Variants in C2orf76 observed in about 807,000 individuals in gnomAD.
C2orf76 encodes the protein UPF0538 protein C2orf76.
In C2orf76, 23 loss-of-function variants were observed where a neutral mutation model predicts 16.9. The ratio of observed to expected loss-of-function variants is 1.36; its 90% CI spans 0.98 to 1.93. The LOEUF (loss-of-function observed/expected upper bound fraction) is 1.93, where lower values mean the gene tolerates loss of function less well. Ranked by LOEUF, C2orf76 falls within the 30% of genes most tolerant of loss-of-function variation. The pLI, the probability that C2orf76 is intolerant of heterozygous loss-of-function variation, is 0.00. For missense variants in C2orf76, 152 were observed against 152.6 expected, an observed-to-expected ratio of 1.00 and a Z score of 0.02; for synonymous variants, 48 against 52.3, an observed-to-expected ratio of 0.92 and a Z score of 0.35.
intron 5 of C2orf76, among the ~76,000 whole-genome samples, chr2:119,305,366 A>G (rs1238785309): frequency 6.6e-6 from 1 of 152,190 alleles, no homozygotes; most frequent in Non-Finnish European, 1.5e-5. Flanking sequence ...TATAAGAACA[A>G]TCGATTTTAA....
At chr2:119,286,226 A>G in the C2orf76 span, among the ~76,000 whole-genome samples, 3,051 of 79,126 alleles carry the variant, frequency 0.039, 119 homozygotes, top group African/African-American at 0.18. Context: ...CTCCATCTCA[A>G]AAAAAAAAAA....
the C2orf76 span, among the ~76,000 whole-genome samples, chr2:119,288,242 C>T: frequency 6.6e-6 from 1 of 151,274 alleles, no homozygotes; most frequent in Non-Finnish European, 1.5e-5. Flanking sequence ...CTGCAAGCTC[C>T]GCCTTCCGGG....
chr2:119,351,467 G>A (rs1050041607), intron 1 of C2orf76, among the ~76,000 whole-genome samples: 12 of 152,266 alleles, frequency 7.9e-5, no homozygotes, highest in Non-Finnish European at 1.8e-4. Context: ...AGAAGGCAGA[G>A]CGACTGGGCA....
chr2:119,305,141 G>A (rs963671028), intron 5 of C2orf76, among the ~76,000 whole-genome samples: 5 of 152,192 alleles, frequency 3.3e-5, no homozygotes, highest in East Asian at 1.9e-4. Flanking sequence ...TCATCCCTTC[G>A]TCTTACTATC....
chr2:119,346,054 CAAAAAAAAAAA>C (rs56669262), intron 1 of C2orf76, among the ~76,000 whole-genome samples: 7 of 73,568 alleles, frequency 9.5e-5, no homozygotes, highest in South Asian at 8.2e-4. Context: ...GACGCCATCT[CAAAAAAAAAAA>C]AAAAAAAAAA....
intron 1 of C2orf76, among the ~76,000 whole-genome samples, chr2:119,346,654 GTCATGTCT>G (rs1485932727): frequency 6.6e-6 from 1 of 152,082 alleles, no homozygotes; most frequent in Non-Finnish European, 1.5e-5. Context: ...GGAAAGAGGT[GTCATGTCT>G]GTGGCTATTA....
the C2orf76 span, among the ~76,000 whole-genome samples, chr2:119,281,791 G>T: frequency 6.6e-6 from 1 of 152,134 alleles, no homozygotes; most frequent in African/African-American, 2.4e-5. Context: ...CAAAAGAACA[G>T]AGAGAGGGAA....
the C2orf76 span, among the ~76,000 whole-genome samples, chr2:119,293,586 G>C: frequency 6.6e-6 from 1 of 152,208 alleles, no homozygotes; most frequent in Admixed American, 6.5e-5. Context: ...AAGAATTGTA[G>C]TGGGGTAGAA....
At chr2:119,342,438 C>T (rs907231917) in intron 1 of C2orf76, among the ~76,000 whole-genome samples, 2 of 151,926 alleles carry the variant, frequency 1.3e-5, no homozygotes, top group African/African-American at 4.8e-5. Context: ...TGGTGAAACC[C>T]AGCCTCTAAT....
At chr2:119,323,678 T>C (rs1303907913) in intron 2 of C2orf76, among the ~76,000 whole-genome samples, 1 of 152,084 alleles carries the variant, frequency 6.6e-6, no homozygotes, top group Non-Finnish European at 1.5e-5. Context: ...TGATTCGTAC[T>C]CAAATTCACC....
At chr2:119,318,029 C>T (rs981943496) in intron 3 of C2orf76, among the ~76,000 whole-genome samples, 2 of 152,058 alleles carry the variant, frequency 1.3e-5, no homozygotes, top group Admixed American at 6.6e-5. Context: ...CCAGGAATAT[C>T]ACTATCTGTC....
chr2:119,306,477 CCGCTGTATCTTGTTTT>C (rs1678788967), intron 5 of C2orf76, among the ~76,000 whole-genome samples: 1 of 152,138 alleles, frequency 6.6e-6, no homozygotes, highest in African/African-American at 2.4e-5. Context: ...TAGAGTTTGG[CCGCTGTATCTTGTTTT>C]AAAATGTTTC....
intron 4 of C2orf76, among the ~76,000 whole-genome samples, chr2:119,313,902 T>A (rs1163643938): frequency 6.6e-6 from 1 of 152,148 alleles, no homozygotes; most frequent in Non-Finnish European, 1.5e-5. Context: ...GGCTAATTTT[T>A]CCAATAGAAT....
At chr2:119,336,939 C>G (rs1469249534) in intron 2 of C2orf76, among the ~76,000 whole-genome samples, 1 of 152,110 alleles carries the variant, frequency 6.6e-6, no homozygotes, top group Admixed American at 6.6e-5. Flanking sequence ...AATAAAGAAG[C>G]AATTTAGTGC....
chr2:119,299,519 G>A (rs1036030809), downstream of C2orf76, among the ~76,000 whole-genome samples: 1 of 152,074 alleles, frequency 6.6e-6, no homozygotes, highest in African/African-American at 2.4e-5. Flanking sequence ...CAACAGAAAT[G>A]TCTTTTCTCA....
At chr2:119,337,690 T>C (rs955787023) in intron 2 of C2orf76, among the ~76,000 whole-genome samples, 10 of 152,140 alleles carry the variant, frequency 6.6e-5, no homozygotes, top group Admixed American at 6.5e-4. Context: ...GAAAAGTCTG[T>C]ACCCCAAAAG....
chr2:119,286,433 G>C, the C2orf76 span, among the ~76,000 whole-genome samples: 7 of 152,158 alleles, frequency 4.6e-5, 2 homozygotes. Context: ...AACATTCAGA[G>C]ACCAGAGTGG....
intron 3 of C2orf76, 103 bp from the exon 4 acceptor site, chr2:119,317,606 T>C (rs963649638): frequency 2.1e-5 from 18 of 839,256 alleles, no homozygotes; most frequent in Non-Finnish European, 3.3e-5. Context: ...GAAATGTAAG[T>C]CCTTGTTTTA....
chr2:119,299,814 G>A (rs1678590496), downstream of C2orf76, among the ~76,000 whole-genome samples: 2 of 152,110 alleles, frequency 1.3e-5, no homozygotes, highest in African/African-American at 4.8e-5. Context: ...AAAAAGCCTG[G>A]TATGCAAATT....
Sources: gnomAD v4.1 joint callset for allele counts (sites outside exome capture counted in the v4.1 genomes callset) on GRCh38, gnomAD v4.1.1 for gene constraint, MANE v1.5 for transcripts, NCBI Gene and HGNC (gene_info 2026-07-23, HGNC 2026-07-21) for gene names.